SLC6A20: variants seen among roughly 807,000 people sequenced by gnomAD.
SLC6A20 encodes sodium- and chloride-dependent transporter XTRP3.
Under a neutral mutation model 64.3 loss-of-function variants are expected in SLC6A20, and 73 were observed. The observed-to-expected ratio is 1.14, with a 90% CI of 0.94 to 1.38. The LOEUF (loss-of-function observed/expected upper bound fraction) is 1.38. Among genes scored for constraint, SLC6A20 ranks in the 40% most tolerant of loss-of-function variants. SLC6A20 has a pLI of 0.00. For synonymous variants in SLC6A20, 347 were observed against 329.6 expected (o/e 1.05, Z -0.57); for missense variants, 725 against 772.8 (o/e 0.94, Z 0.73).
At chr3:45,782,419 T>C (rs917324603) in intron 1 of SLC6A20, among the ~76,000 whole-genome samples, 196 bp from the exon 2 acceptor site, 1 of 152,010 alleles carries the variant, frequency 6.6e-6, no homozygotes, top group Non-Finnish European at 1.5e-5. Context: ...TCCATCCCTC[T>C]TGCTGCCATT....
intron 1 of SLC6A20, among the ~76,000 whole-genome samples, chr3:45,795,526 G>A (rs1322644355): frequency 6.6e-6 from 1 of 151,932 alleles, no homozygotes; most frequent in Non-Finnish European, 1.5e-5. Flanking sequence ...TTCTAGAAAC[G>A]AGACAACCGA....
At chr3:45,769,466 C>T (rs182370940) in intron 7 of SLC6A20, among the ~76,000 whole-genome samples, 1 of 144,950 alleles carries the variant, frequency 6.9e-6, no homozygotes, top group African/African-American at 2.6e-5. Context: ...CTTTCAGTAG[C>T]AAAAATTAAA....
At chr3:45,769,021 C>T (rs966249480) in intron 7 of SLC6A20, among the ~76,000 whole-genome samples, 1 of 152,058 alleles carries the variant, frequency 6.6e-6, no homozygotes, top group South Asian at 2.1e-4. Flanking sequence ...CAAATCTATA[C>T]ATAAATATGA....
At chr3:45,780,767 C>T (rs530106653) in intron 2 of SLC6A20, among the ~76,000 whole-genome samples, 59 of 152,282 alleles carry the variant, frequency 3.9e-4, no homozygotes, top group Admixed American at 9.8e-4. Context: ...TCTCCCCAGC[C>T]GCAAGTGCTG....
chr3:45,783,420 C>T (rs1700127506), intron 1 of SLC6A20, among the ~76,000 whole-genome samples: 1 of 152,216 alleles, frequency 6.6e-6, no homozygotes, highest in African/African-American at 2.4e-5. Flanking sequence ...ACGTGCTGTG[C>T]TGTAACCCAC....
intron 5 of SLC6A20, 49 bp downstream of exon 5, chr3:45,772,456 G>A (rs759652381): frequency 6.6e-7 from 1 of 1,506,012 alleles, no homozygotes; most frequent in South Asian, 1.2e-5. Flanking sequence ...CTGGAAGGTG[G>A]CAGGATAAGT....
intron 9 of SLC6A20, among the ~76,000 whole-genome samples, chr3:45,762,470 C>T (rs559624337): frequency 3.9e-5 from 6 of 152,308 alleles, no homozygotes; most frequent in South Asian, 4.1e-4. Context: ...ATTCCAGTCC[C>T]GTGCTGTGCA....
rs1418416911 is a variant in SLC6A20 at position 45,758,407 on chromosome 3, T to A, written c.*571A>T. The A allele has an allele frequency of 7.8e-7, 1 of 1,276,762 alleles. No homozygotes were observed. The highest frequency in any genetic ancestry group is 2.2e-4 in the Middle Eastern group (1 of 4,496). The allele number at this position is 1,276,762 out of a possible 1,614,324, so 79.1% of individuals were successfully genotyped here. A position where few individuals can be genotyped will look rare whatever the true frequency, so the allele number is the denominator to read the frequency against. On this transcript the variant is annotated 3_prime_UTR_variant, in exon 11 of 11. Coordinates refer to ENST00000358525, the MANE Select transcript of SLC6A20 (RefSeq NM_020208.4). Reference sequence around the variant, plus strand: ...CAGAGACCTTAGAGAAAGGATCCCTTTGGGGGTCCCAGACAAAGATCTTCT... The same window carrying A: ...CAGAGACCTTAGAGAAAGGATCCCTATGGGGGTCCCAGACAAAGATCTTCT...
intron 1 of SLC6A20, among the ~76,000 whole-genome samples, chr3:45,788,391 G>T (rs763288614): frequency 7.9e-5 from 12 of 152,154 alleles, no homozygotes; most frequent in Non-Finnish European, 1.3e-4. Flanking sequence ...TCTAATAAGC[G>T]TTACTCAGTT....
rs1478997348 is a variant in SLC6A20, at chr3:45,759,952, C to G, written c.1534G>C (p.Val512Leu). ...SWYWKVMWAGVSPLLIVSLFV... is the reference protein window; with the variant it reads ...SWYWKVMWAGLSPLLIVSLFV... ...AGGCTGACAATCAGCAGTGGGCTTA[C>G]GCCAGCCCACATCACCTTCCAGTAC... The change falls in exon 10 of 11, where the codon GTA (valine) becomes CTA (leucine). Residue 512 changes from valine to leucine, a missense_variant. Transcript: ENST00000358525. 2 of 1,614,178 alleles carry G rather than the reference C, an allele frequency of 1.2e-6. No individual in the cohort carries two copies. Among genetic ancestry groups the G allele is most frequent in the Admixed American group, 1.7e-5 (1 of 60,028 alleles).
At position 45,771,317 on chromosome 3, in the gene SLC6A20, C is replaced by T. The variant is rs778659444; in HGVS notation, c.835G>A (p.Val279Met). The T allele has an allele frequency of 9.3e-6, 15 of 1,614,104 alleles. No homozygotes were observed. Among genetic ancestry groups the T allele is most frequent in the South Asian group, 5.5e-5 (5 of 91,086 alleles). The change falls in exon 6 of 11, where the codon GTG (valine) becomes ATG (methionine). Residue 279 changes from valine to methionine, a missense_variant. Coordinates refer to ENST00000358525, the MANE Select transcript of SLC6A20 (RefSeq NM_020208.4). ...SNNCQKHAII[V>M]SLINSFTSIF... is the part of the protein sequence containing the mutation. Reference sequence around the variant, plus strand: ...GAGGTGAAGCTGTTGATGAGGGACACGATGATGGCGTGCTTCTGGCAGTTG... The same window carrying T: ...GAGGTGAAGCTGTTGATGAGGGACATGATGATGGCGTGCTTCTGGCAGTTG...
chr3:45,763,027 A>G lies in SLC6A20; in HGVS notation c.1349T>C (p.Met450Thr), dbSNP rs940880932. Reference protein sequence around the residue: ...VNCAIGMVFTMEAGNYWFDIF... With the variant: ...VNCAIGMVFTTEAGNYWFDIF... The stretch of plus-strand genomic sequence containing the variant: ...GTCAAACCAGTAGTTCCCAGCCTCC[A>G]TCGTGAACACCATGCCAATGGCACA... The change falls in exon 9 of 11, where the codon ATG becomes ACG. Residue 450 changes from methionine to threonine, a missense_variant. Met to Thr is a moderately conservative substitution (Grantham distance 81). Coordinates refer to ENST00000358525, the MANE Select transcript of SLC6A20 (RefSeq NM_020208.4). 5 of 1,614,040 alleles carry G rather than the reference A, an allele frequency of 3.1e-6. No individual in the cohort carries two copies. The highest frequency in any genetic ancestry group is 3.3e-5 in the Admixed American group (2 of 60,008).
Position 45,780,044 on chromosome 3 carries a change from C to T in SLC6A20, c.319G>A (p.Ala107Thr), listed in dbSNP as rs140762169. ...TGGAAGAGGTACCAGAAGGCCCAGG[C>T]GTTGATGACGTTGTAGTACATGGAG... Reference protein sequence around the residue: ...FLSMYYNVINAWAFWYLFHSF... With the variant: ...FLSMYYNVINTWAFWYLFHSF... The change falls in exon 3 of 11, where the codon GCC (alanine) becomes ACC (threonine). Residue 107 changes from alanine (A) to threonine (T), a missense_variant. Coordinates refer to ENST00000358525, the MANE Select transcript of SLC6A20 (RefSeq NM_020208.4). 1.9e-4 allele frequency: 300 copies of T among 1,604,800 alleles called. No individual in the cohort carries two copies. Among genetic ancestry groups the T allele is most frequent in the Middle Eastern group, 8.3e-4 (5 of 6,052 alleles).
chr3:45,788,497 G>A (rs1443477070), intron 1 of SLC6A20, among the ~76,000 whole-genome samples: 1 of 152,152 alleles, frequency 6.6e-6, no homozygotes, highest in African/African-American at 2.4e-5. Context: ...TGTGTACATT[G>A]AAAGCACTCA....
intron 1 of SLC6A20, among the ~76,000 whole-genome samples, chr3:45,793,292 C>T (rs1700287532): frequency 6.6e-6 from 1 of 152,188 alleles, no homozygotes; most frequent in African/African-American, 2.4e-5. Context: ...CAACTGTTCT[C>T]ATCTCTCCAT....
At chr3:45,795,597 G>A (rs188376831) in intron 1 of SLC6A20, among the ~76,000 whole-genome samples, 1 of 152,134 alleles carries the variant, frequency 6.6e-6, no homozygotes, top group Non-Finnish European at 1.5e-5. Context: ...CTTCCAAAAA[G>A]GTACTTGGGC....
chr3:45,770,264 T>C lies in SLC6A20; in HGVS notation c.1043A>G (p.Tyr348Cys). 1.2e-6 allele frequency: 2 copies of C among 1,614,224 alleles called. No homozygotes were observed. Among genetic ancestry groups the C allele is most frequent in the East Asian group, 4.5e-5 (2 of 44,890 alleles). Residue 348 changes from tyrosine (Y) to cysteine (C), a missense_variant, in exon 7 of 11, where the codon TAC (tyrosine) becomes TGC (cysteine). Physicochemically the swap from Tyr to Cys is radical, Grantham distance 194. Coordinates refer to ENST00000358525, the MANE Select transcript of SLC6A20 (RefSeq NM_020208.4). ...TTTGATTTGCGGGAACATCTCGCTG[T>C]ATTTGCTTGGGTAGGCAGATGCGAG... The part of the protein sequence containing the change: ...GYLASAYPSK[Y>C]SEMFPQIKNC...
intron 1 of SLC6A20, among the ~76,000 whole-genome samples, chr3:45,789,359 G>A (rs1271160755): frequency 1.3e-5 from 2 of 152,172 alleles, no homozygotes; most frequent in Non-Finnish European, 2.9e-5. Flanking sequence ...AAGGCAGTAC[G>A]AAATGTGATG....
At chr3:45,788,898 T>C (rs780570653) in intron 1 of SLC6A20, among the ~76,000 whole-genome samples, 4 of 152,204 alleles carry the variant, frequency 2.6e-5, no homozygotes, top group Non-Finnish European at 5.9e-5. Context: ...ATAGTAGAAC[T>C]AACTAGTGGT....
Sources: gnomAD v4.1 joint callset for allele counts (sites outside exome capture counted in the v4.1 genomes callset) on GRCh38, gnomAD v4.1.1 for gene constraint, MANE v1.5 for transcripts, NCBI Gene and HGNC (gene_info 2026-07-23, HGNC 2026-07-21) for gene names.